Variants in EIF4A3 observed in about 807,000 individuals in gnomAD.
The protein encoded by EIF4A3 is eukaryotic translation initiation factor 4A3, also known as eukaryotic initiation factor 4A-III.
A neutral mutation model predicts 55.6 loss-of-function variants in EIF4A3; 1 was observed. That is an observed-to-expected ratio of 0.02 (90% CI 0.01 to 0.09). The LOEUF is 0.09. Among genes scored for constraint, EIF4A3 ranks in the 10% least tolerant of loss-of-function variants. EIF4A3 has a pLI of 1.00. For synonymous variants in EIF4A3, 194 were observed against 196.3 expected, an observed-to-expected ratio of 0.99 and a Z score of 0.10; for missense variants, 221 against 540.7, an observed-to-expected ratio of 0.41 and a Z score of 5.86.
chr17:80,139,252 G>A (rs1426928702), intron 6 of EIF4A3, 90 bp from the exon 7 acceptor site: 1 of 1,528,790 alleles, frequency 6.5e-7, no homozygotes, highest in Non-Finnish European at 8.9e-7. Flanking sequence ...CTGGGTTAGA[G>A]GCAGAGTGGT....
At chr17:80,145,027 A>G (rs1340224390) in intron 1 of EIF4A3, among the ~76,000 whole-genome samples, 1 of 152,252 alleles carries the variant, frequency 6.6e-6, no homozygotes, top group East Asian at 1.9e-4. Context: ...ATAAGAAACA[A>G]AAGAAAATGT....
chr17:80,146,904 C>G lies in EIF4A3; in HGVS notation c.58G>C (p.Glu20Gln). 6.2e-7 allele frequency: 1 copy of G among 1,610,504 alleles called. No individual in the cohort carries two copies. The highest frequency in any genetic ancestry group is 8.5e-7 in the Non-Finnish European group (1 of 1,178,794). Residue 20 changes from glutamate (E) to glutamine (Q), a missense_variant, in exon 1 of 12, where the codon GAG becomes CAG. This residue lies in a region of EIF4A3 where 43 missense variants were observed against 39.1 expected (regional missense o/e 1.10). Coordinates refer to ENST00000649764, the MANE Select transcript of EIF4A3 (RefSeq NM_014740.4). ...AATTCCACTTTAGTCATGTCTTCCT[C>G]TTTGAGCAGCCGCTTTCGCGCCGAG... ...SGSARKRLLK[E>Q]EDMTKVEFET...
At position 80,137,424 on chromosome 17, in the gene EIF4A3, C is replaced by T; in HGVS notation, c.945G>A (p.Glu315=). Residue 315 remains glutamate, a synonymous_variant, in exon 9 of 12, where the codon GAG becomes GAA. Transcript: ENST00000649764. ...GGAACTCCTTCATGATGGACTCCCG[C>T]TCTTTCTGGGGCATGTCTCCATGCA... ...SSMHGDMPQK[E]RESIMKEFRS... 6.2e-7 allele frequency: 1 copy of T among 1,614,114 alleles called. No individual in the cohort carries two copies. The highest frequency in any genetic ancestry group is 8.5e-7 in the Non-Finnish European group (1 of 1,179,990).
chr17:80,136,271 T>C lies in EIF4A3; in HGVS notation c.1048A>G (p.Ile350Val). Residue 350 changes from isoleucine to valine, a missense_variant, in exon 10 of 12, where the codon ATT becomes GTT. Around this residue, in one of 4 missense-constraint regions of EIF4A3, gnomAD observed 93 missense variants for 278.5 expected, o/e 0.33. Coordinates refer to ENST00000649764, the MANE Select transcript of EIF4A3 (RefSeq NM_014740.4). ...GLDVPQVSLI[I>V]NYDLPNNREL... is the part of the protein sequence containing the mutation. ...CTGTTATTAGGGAGATCATAGTTAA[T>C]GATGAGGGACACCTGAGGGACATCC... The C allele has an allele frequency of 6.2e-7, 1 of 1,614,174 alleles. No individual in the cohort carries two copies. Among genetic ancestry groups the C allele is most frequent in the Non-Finnish European group, 8.5e-7 (1 of 1,180,020 alleles).
In EIF4A3 at chr17:80,135,485, C is replaced by T. The variant is rs2039563022; in HGVS notation, c.*5G>A. The T allele has an allele frequency of 6.4e-7, 1 of 1,557,704 alleles. No individual in the cohort carries two copies. Among genetic ancestry groups the T allele is most frequent in the Non-Finnish European group, 8.7e-7 (1 of 1,149,958 alleles). On this transcript the variant is annotated 3_prime_UTR_variant, in exon 12 of 12. Coordinates refer to ENST00000649764, the MANE Select transcript of EIF4A3 (RefSeq NM_014740.4). ...CAGTCTCCCTCATCCCACTGATCTG[C>T]TGCTTCAGATAAGATCAGCAACTGA...
At position 80,138,183 on chromosome 17, in the gene EIF4A3, T is replaced by C. The variant is rs2143987458; in HGVS notation, c.826A>G (p.Thr276Ala). The stretch of plus-strand genomic sequence containing the variant: ...CAGAAGATGACCGCCTGAGTGATGG[T>C]CAGTGTGTCGTAGAGGTCACACAGA... ...DTLCDLYDTL[T>A]ITQAVIFCNT... The change falls in exon 8 of 12, where the codon ACC (threonine) becomes GCC (alanine). Residue 276 changes from threonine (T) to alanine (A), a missense_variant. Coordinates refer to ENST00000649764, the MANE Select transcript of EIF4A3 (RefSeq NM_014740.4). 1 of 1,614,158 alleles carries C rather than the reference T, an allele frequency of 6.2e-7. No individual in the cohort carries two copies. The highest frequency in any genetic ancestry group is 1.3e-5 in the African/African-American group (1 of 75,042).
chr17:80,139,181 C>A lies in EIF4A3; in HGVS notation c.587-19G>T. ...TTGAAACCTGGGACAGGGAGCAAGA[C>A]AGGTGAGGGATGTTTAGGGCGGCAC... On this transcript the variant is annotated intron_variant, in intron 6 of 11. Coordinates refer to ENST00000649764, the MANE Select transcript of EIF4A3 (RefSeq NM_014740.4). 1 of 1,613,604 alleles carries A rather than the reference C, an allele frequency of 6.2e-7. No homozygotes were observed. The highest frequency in any genetic ancestry group is 8.5e-7 in the Non-Finnish European group (1 of 1,179,724).
chr17:80,146,528 G>A (rs1336116875), intron 1 of EIF4A3, among the ~76,000 whole-genome samples: 2 of 152,242 alleles, frequency 1.3e-5, no homozygotes, highest in Non-Finnish European at 2.9e-5. Context: ...GAAGGACGCT[G>A]AGGTGCCTCG....
At position 80,135,403 on chromosome 17, in the gene EIF4A3, C is replaced by G; in HGVS notation, c.*87G>C. On this transcript the variant is annotated 3_prime_UTR_variant, in exon 12 of 12. Transcript: ENST00000649764. ...TTATGAGAAGAAAGTCCATATAAAC[C>G]CCATTAAGTAGAATCTGGATCTAAA... 6.8e-7 allele frequency: 1 copy of G among 1,471,826 alleles called. No homozygotes were observed. Among genetic ancestry groups the G allele is most frequent in the Non-Finnish European group, 9.0e-7 (1 of 1,105,662 alleles). The allele number at this position is 1,471,826 out of a possible 1,614,324, so 91.2% of individuals were successfully genotyped here.
chr17:80,138,436 C>T (rs1004708678), intron 7 of EIF4A3, 156 bp from the exon 8 acceptor site: 8 of 740,698 alleles, frequency 1.1e-5, no homozygotes, highest in African/African-American at 1.1e-4. Flanking sequence ...CATCCTATCA[C>T]CACTTCCGTC....
chr17:80,146,651 G>C, intron 1 of EIF4A3, 142 bp downstream of exon 1: 2 of 996,636 alleles, frequency 2.0e-6, no homozygotes, highest in Non-Finnish European at 1.4e-6. Context: ...GGTGGGGGTC[G>C]GACGTCACTG....
At chr17:80,141,755 CAGTT>C in intron 3 of EIF4A3, 23 bp downstream of exon 3, 1 of 1,586,646 alleles carries the variant, frequency 6.3e-7, no homozygotes, top group Non-Finnish European at 8.7e-7. Context: ...AATTACATAA[CAGTT>C]TGTTTTAAGA....
intron 4 of EIF4A3, chr17:80,140,348 C>T: frequency 3.8e-6 from 2 of 526,084 alleles, no homozygotes; most frequent in Non-Finnish European, 5.8e-6. Flanking sequence ...GAGTCTCACT[C>T]TGTGGCCCAT....
rs2039570047 is a variant in EIF4A3 at position 80,136,351 on chromosome 17, GTGTT to G, written c.984-20_984-17del. On this transcript the variant is annotated splice_polypyrimidine_tract_variant and intron_variant, in intron 9 of 11. Transcript: ENST00000649764. ...AAGCACTCGGCTGCAAAAAGAAAGA[GTGTT>G]TGAGGCGATTAAATTACTCATACAA... The G allele has an allele frequency of 6.3e-7, 1 of 1,596,034 alleles. No individual in the cohort carries two copies. The highest frequency in any genetic ancestry group is 1.7e-5 in the Admixed American group (1 of 58,274).
At chr17:80,137,277 A>G in intron 9 of EIF4A3, 109 bp downstream of exon 9, 1 of 931,598 alleles carries the variant, frequency 1.1e-6, no homozygotes. Flanking sequence ...TCAGAGCAGA[A>G]GCTTGGCATC....
At chr17:80,140,804 T>C (rs1419572539) in intron 4 of EIF4A3, among the ~76,000 whole-genome samples, 1 of 150,116 alleles carries the variant, frequency 6.7e-6, no homozygotes, top group East Asian at 1.9e-4. Flanking sequence ...GTACAATTTA[T>C]TTTTTTTTTG....
Position 80,137,292 on chromosome 17 carries a change from C to CG in EIF4A3, c.983+93dup, listed in dbSNP as rs2039578773. On this transcript the variant is annotated intron_variant, in intron 9 of 11. Transcript: ENST00000649764. The stretch of plus-strand genomic sequence containing the variant: ...TCAGAGCAGAAGCTTGGCATCCCCC[C>CG]GGGTGTGGGGCCTGCACTTAGGCGG... 7 of 1,087,506 alleles carry CG rather than the reference C, an allele frequency of 6.4e-6. No homozygotes were observed. The South Asian group carries it at 1.0e-4, about 16-fold the overall frequency. The allele number at this position is 1,087,506 out of a possible 1,614,324, so 67.4% of individuals were successfully genotyped here.
chr17:80,140,247 G>T, intron 4 of EIF4A3, 107 bp from the exon 5 acceptor site: 1 of 1,301,198 alleles, frequency 7.7e-7, no homozygotes, highest in Non-Finnish European at 1.0e-6. Context: ...TATTATTTAT[G>T]CCATTATTAT....
chr17:80,147,048 T>TGCGCCGCTGCCGACCTCGCTGC lies in EIF4A3; in HGVS notation c.-88_-87insGCAGCGAGGTCGGCAGCGGCGC, dbSNP rs1012148210. 8.1e-5 allele frequency: 100 copies of TGCGCCGCTGCCGACCTCGCTGC among 1,232,152 alleles called. No homozygotes were observed. Among genetic ancestry groups the TGCGCCGCTGCCGACCTCGCTGC allele is most frequent in the African/African-American group, 6.2e-4 (17 of 27,594 alleles). 76.3% of individuals were successfully genotyped at this position (1,232,152 alleles called of 1,614,324 possible). On this transcript the variant is annotated 5_prime_UTR_variant, in exon 1 of 12. Transcript: ENST00000649764. Reference sequence around the variant, plus strand: ...CTCGCTGTGCCGCTGCCGACCTCGCTGCCGCTGCCGACCTCGCTGTGCCGC... The same window carrying TGCGCCGCTGCCGACCTCGCTGC: ...CTCGCTGTGCCGCTGCCGACCTCGCTGCGCCGCTGCCGACCTCGCTGCGCCGCTGCCGACCTCGCTGTGCCGC...
Sources: allele counts gnomAD v4.1 joint callset (sites outside exome capture counted in the v4.1 genomes callset), GRCh38; gene constraint gnomAD v4.1.1; regional missense constraint gnomAD v4.1.1; transcripts MANE v1.5; gene names NCBI Gene and HGNC (gene_info 2026-07-23, HGNC 2026-07-21).